The following DEGS1 variants were observed in gnomAD, a reference collection of about 807,000 sequenced individuals.
The protein encoded by DEGS1 is sphingolipid delta(4)-desaturase DES1.
In DEGS1, 17 loss-of-function variants were observed where a neutral mutation model predicts 24.1. The observed-to-expected ratio is 0.70, with a 90% confidence interval of 0.48 to 1.06. The LOEUF (loss-of-function observed/expected upper bound fraction) is 1.06. Ranked by LOEUF, DEGS1 falls within the 50% of genes least tolerant of loss-of-function variation. The pLI is 0.00. For synonymous variants in DEGS1, 134 were observed against 140.0 expected (o/e 0.96, Z 0.30); for missense variants, 366 against 408.9 (o/e 0.90, Z 0.91).
In DEGS1 at chr1:224,192,438, G is replaced by C. The variant is rs1340821791; in HGVS notation, c.932G>C (p.Arg311Thr). The C allele has an allele frequency of 6.2e-7, 1 of 1,612,496 alleles. No individual in the cohort carries two copies. Among genetic ancestry groups the C allele is most frequent in the Admixed American group, 1.7e-5 (1 of 59,634 alleles). Residue 311 changes from arginine (R) to threonine (T), a missense_variant, in exon 3 of 3, where the codon AGA (arginine) becomes ACA (threonine). Coordinates refer to ENST00000323699, the MANE Select transcript of DEGS1 (RefSeq NM_003676.4). ...VMDDTISPYS[R>T]MKRHQKGEMV... The stretch of plus-strand genomic sequence containing the variant: ...GATGATACAATAAGTCCCTACTCAA[G>C]AATGAAGAGGCACCAAAAAGGAGAG...
rs1008954396 is a variant in DEGS1 at position 224,192,662 on chromosome 1, G to A, written c.*184G>A. 2 of 543,802 alleles carry A rather than the reference G, an allele frequency of 3.7e-6. No individual in the cohort carries two copies. Among genetic ancestry groups the A allele is most frequent in the Non-Finnish European group, 3.2e-6 (1 of 316,980 alleles). The allele number at this position is 543,802 out of a possible 1,614,324, so 33.7% of individuals were successfully genotyped here. A position where few individuals can be genotyped will look rare whatever the true frequency, so the allele number is the denominator to read the frequency against. On this transcript the variant is annotated 3_prime_UTR_variant, in exon 3 of 3. Transcript: ENST00000323699. ...AGTCAGCCTGACTCTGTACTGCTCA[G>A]TTTCACTCACAGGAAACTTGTGACT...
intron 1 of DEGS1, among the ~76,000 whole-genome samples, chr1:224,185,600 A>G (rs1658364232): frequency 6.6e-6 from 1 of 152,188 alleles, no homozygotes; most frequent in Non-Finnish European, 1.5e-5. Flanking sequence ...CCTGGGTTCA[A>G]GCAGTTCTGC....
intron 2 of DEGS1, among the ~76,000 whole-genome samples, chr1:224,191,819 A>G (rs1418877188): frequency 6.6e-6 from 1 of 151,616 alleles, no homozygotes; most frequent in African/African-American, 2.4e-5. Context: ...CTGGTCTCGA[A>G]CTCCTGACCT....
chr1:224,185,454 C>T (rs1658356303), intron 1 of DEGS1, among the ~76,000 whole-genome samples: 1 of 152,154 alleles, frequency 6.6e-6, no homozygotes, highest in Admixed American at 6.6e-5. Flanking sequence ...CTCAGCCTGC[C>T]AGTAGCAATT....
chr1:224,185,341 A>C (rs1475558652), intron 1 of DEGS1, among the ~76,000 whole-genome samples: 2 of 151,082 alleles, frequency 1.3e-5, no homozygotes, highest in Non-Finnish European at 2.9e-5. Context: ...CCTCCCCTAC[A>C]CTCCATTAGA....
At chr1:224,190,747 A>T (rs1204523364) in intron 2 of DEGS1, among the ~76,000 whole-genome samples, 5 of 152,038 alleles carry the variant, frequency 3.3e-5, no homozygotes, top group Non-Finnish European at 5.9e-5. Context: ...GTTTTTTTAG[A>T]GACAGGGTCT....
chr1:224,184,970 TACACACACACACACACACACAC>T (rs58790626), intron 1 of DEGS1, among the ~76,000 whole-genome samples: 7,023 of 148,686 alleles, frequency 0.047, 198 homozygotes, highest in African/African-American at 0.073. Context: ...GCCCCCCGTT[TACACACACACACACACACACAC>T]ACACACACAC....
Position 224,192,696 on chromosome 1 carries a change from A to G in DEGS1, c.*218A>G, listed in dbSNP as rs1480229613. The stretch of plus-strand genomic sequence containing the variant: ...ACAGGAAACTTGTGACTTGTGTATT[A>G]TCGTCATTGAGGATGTTTCACTCAT... On this transcript the variant is annotated 3_prime_UTR_variant, in exon 3 of 3. Transcript: ENST00000323699. The G allele has an allele frequency of 8.2e-6, 4 of 486,832 alleles. No individual in the cohort carries two copies. Among genetic ancestry groups the G allele is most frequent in the Non-Finnish European group, 1.1e-5 (3 of 280,274 alleles). The allele number at this position is 486,832 out of a possible 1,614,324, so 30.2% of individuals were successfully genotyped here.
chr1:224,184,493 C>G (rs1356059110), intron 1 of DEGS1, among the ~76,000 whole-genome samples: 3 of 125,718 alleles, frequency 2.4e-5, no homozygotes, highest in Non-Finnish European at 3.4e-5. Context: ...TGAGACTGCA[C>G]GTGTTTGTTT....
intron 2 of DEGS1, chr1:224,191,191 C>G (rs1658526754): frequency 6.6e-6 from 1 of 151,920 alleles, no homozygotes; most frequent in Non-Finnish European, 1.5e-5. Context: ...AGTTCGAGAC[C>G]AGCCTGGCCA....
intron 1 of DEGS1, among the ~76,000 whole-genome samples, chr1:224,186,465 G>A (rs1484484319): frequency 6.6e-6 from 1 of 152,136 alleles, no homozygotes; most frequent in African/African-American, 2.4e-5. Context: ...TGTAATCCCA[G>A]CACTTTAGGA....
At position 224,193,339 on chromosome 1, in the gene DEGS1, A is replaced by G. The variant is rs1478306140; in HGVS notation, c.*861A>G. ...TATTTCCCTGTAAGCTGAATTACTC[A>G]TTTAAAAATTTTAACTTCTATATGG... On this transcript the variant is annotated 3_prime_UTR_variant, in exon 3 of 3. Transcript: ENST00000323699. The G allele has an allele frequency of 6.6e-6, 1 of 152,364 alleles. No homozygotes were observed. Among genetic ancestry groups the G allele is most frequent in the South Asian group, 2.1e-4 (1 of 4,830 alleles). 9.4% of individuals were successfully genotyped at this position (152,364 alleles called of 1,614,324 possible). A position where few individuals can be genotyped will look rare whatever the true frequency, so the allele number is the denominator to read the frequency against.
At chr1:224,190,611 A>C (rs1364018554) in intron 2 of DEGS1, among the ~76,000 whole-genome samples, 4 of 150,400 alleles carry the variant, frequency 2.7e-5, no homozygotes, top group Admixed American at 6.7e-5. Flanking sequence ...AAAAAAAAAA[A>C]AACAAAAAGA....
intron 2 of DEGS1, among the ~76,000 whole-genome samples, chr1:224,191,620 G>T (rs535098045): frequency 5.3e-4 from 59 of 111,950 alleles, no homozygotes; most frequent in African/African-American, 1.9e-3. Context: ...TTTTTGAGAT[G>T]GAGTCTCTCT....
rs1407788293 is a variant in DEGS1, at chr1:224,190,126, A to G, written c.632A>G (p.Tyr211Cys). 1.2e-6 allele frequency: 2 copies of G among 1,610,852 alleles called. No homozygotes were observed. Among genetic ancestry groups the G allele is most frequent in the Admixed American group, 1.7e-5 (1 of 59,476 alleles). Residue 211 changes from tyrosine to cysteine, a missense_variant, in exon 2 of 3, where the codon TAC becomes TGC. Tyr to Cys is a radical substitution (Grantham distance 194). Transcript: ENST00000323699. ...TTTTTGGGAATTAAATCCTTAGTCT[A>G]CATGTTGGCAGCATCTTTACTTGGC... ...YYFLGIKSLV[Y>C]MLAASLLGLG...
chr1:224,183,549 G>T, intron 1 of DEGS1, 131 bp downstream of exon 1: 3 of 657,878 alleles, frequency 4.6e-6, no homozygotes, highest in Non-Finnish European at 6.3e-6. Context: ...GTCGCGTCCC[G>T]TCGCCGCTCG....
At chr1:224,192,169 C>A (rs534949056) in intron 2 of DEGS1, among the ~76,000 whole-genome samples, 163 bp from the exon 3 acceptor site, 1 of 150,778 alleles carries the variant, frequency 6.6e-6, no homozygotes, top group Non-Finnish European at 1.5e-5. Flanking sequence ...GTTTAGAATT[C>A]CCACAGCTGC....
intron 2 of DEGS1, chr1:224,191,233 C>A (rs1450665738): frequency 1.3e-5 from 2 of 151,736 alleles, no homozygotes; most frequent in Admixed American, 1.3e-4. Context: ...ACTAAAAATA[C>A]AAAAAACTTA....
At chr1:224,186,441 T>TGC (rs1335189110) in intron 1 of DEGS1, among the ~76,000 whole-genome samples, 3 of 152,084 alleles carry the variant, frequency 2.0e-5, no homozygotes, top group Non-Finnish European at 4.4e-5. Flanking sequence ...TGGCCGGGCA[T>TGC]GGTGGCTCAC....
Sources: gnomAD v4.1 joint callset for allele counts (sites outside exome capture counted in the v4.1 genomes callset) on GRCh38, gnomAD v4.1.1 for gene constraint, MANE v1.5 for transcripts, NCBI Gene and HGNC (gene_info 2026-07-23, HGNC 2026-07-21) for gene names.